The following HDAC4 variants were observed in gnomAD, a reference collection of about 807,000 sequenced individuals.
HDAC4 encodes the protein histone deacetylase 4.
In HDAC4, 16 loss-of-function variants were observed where a neutral mutation model predicts 135.1. That is an observed-to-expected ratio of 0.12 (90% CI 0.08 to 0.18). The LOEUF is 0.18. Among genes scored for constraint, HDAC4 ranks in the 10% least tolerant of loss-of-function variants. The probability of loss-of-function intolerance (pLI) is 1.00; values close to 1 mark genes in which losing one functional copy is unlikely to be tolerated. For missense variants in HDAC4, 1,143 were observed against 1,511.8 expected, an observed-to-expected ratio of 0.76 and a Z score of 4.05; for synonymous variants, 685 against 653.4, an observed-to-expected ratio of 1.05 and a Z score of -0.74.
chr2:239,273,253 AAGG>A (rs755333039), intron 2 of HDAC4, among the ~76,000 whole-genome samples: 1 of 152,180 alleles, frequency 6.6e-6, no homozygotes, highest in Non-Finnish European at 1.5e-5. Flanking sequence ...CTCGTGGATC[AAGG>A]AGGACAAGGT....
At chr2:239,053,206 G>A in intron 26 of HDAC4, 70 bp from the exon 27 acceptor site, 11 of 1,585,148 alleles carry the variant, frequency 6.9e-6, no homozygotes, top group Admixed American at 1.7e-5. Context: ...AGAACAGAAC[G>A]TGGGTTAAAG....
intron 2 of HDAC4, among the ~76,000 whole-genome samples, chr2:239,325,890 C>T (rs910342214): frequency 5.9e-5 from 9 of 151,892 alleles, no homozygotes; most frequent in African/African-American, 1.7e-4. Context: ...ACTTGAACCC[C>T]GGGGGACAGA....
At position 239,052,908 on chromosome 2, in the gene HDAC4, C is replaced by A; in HGVS notation, c.*189G>T. ...TCCCTGTGAGGCTGCCACGCCCAGGCGTGCATGTGCGTCTCGAGACCTGTG... is the reference window on the plus strand; with the variant it reads ...TCCCTGTGAGGCTGCCACGCCCAGGAGTGCATGTGCGTCTCGAGACCTGTG... On this transcript the variant is annotated 3_prime_UTR_variant, in exon 27 of 27. Coordinates refer to ENST00000543185, the MANE Select transcript of HDAC4 (RefSeq NM_001378414.1). 1 of 664,284 alleles carries A rather than the reference C, an allele frequency of 1.5e-6. No homozygotes were observed. 41.1% of individuals were successfully genotyped at this position (664,284 alleles called of 1,614,324 possible).
At chr2:239,389,839 T>C (rs1696078482) in intron 1 of HDAC4, among the ~76,000 whole-genome samples, 2 of 152,310 alleles carry the variant, frequency 1.3e-5, no homozygotes, top group South Asian at 4.1e-4. Context: ...GGAAGAGGCA[T>C]GTCCAGCACC....
At chr2:239,365,410 C>G (rs1031411887) in intron 1 of HDAC4, among the ~76,000 whole-genome samples, 2 of 152,256 alleles carry the variant, frequency 1.3e-5, no homozygotes, top group African/African-American at 4.8e-5. Flanking sequence ...TTATGCTGAA[C>G]AAGGCCAAAA....
chr2:239,103,939 G>C (rs578035174), intron 15 of HDAC4, among the ~76,000 whole-genome samples: 1 of 152,388 alleles, frequency 6.6e-6, no homozygotes, highest in South Asian at 2.1e-4. Flanking sequence ...ACCTCCAGAG[G>C]GCAGGTGCGC....
intron 21 of HDAC4, among the ~76,000 whole-genome samples, chr2:239,081,473 G>A (rs1283880701): frequency 2.0e-5 from 3 of 152,210 alleles, no homozygotes; most frequent in Non-Finnish European, 4.4e-5. Context: ...ACATTTCTGC[G>A]GACCCGCCGC....
chr2:239,111,441 C>A lies in HDAC4; in HGVS notation c.1978+85G>T, dbSNP rs2038660019. Reference sequence around the variant, plus strand: ...CTGCCCAGCCCCTCCTCAGCCTCTGCAGAGCTGGGCCGGGAAGAGCCCCCC... The same window carrying A: ...CTGCCCAGCCCCTCCTCAGCCTCTGAAGAGCTGGGCCGGGAAGAGCCCCCC... On this transcript the variant is annotated intron_variant, in intron 14 of 26. Transcript: ENST00000543185. 22 of 1,374,496 alleles carry A rather than the reference C, an allele frequency of 1.6e-5. 1 individual carries two copies. In the South Asian group the frequency reaches 2.8e-4, roughly 17 times the overall value. The allele number at this position is 1,374,496 out of a possible 1,614,324, so 85.1% of individuals were successfully genotyped here.
intron 13 of HDAC4, 61 bp downstream of exon 13, chr2:239,114,992 C>G: frequency 5.0e-6 from 8 of 1,594,022 alleles, no homozygotes; most frequent in Non-Finnish European, 6.8e-6. Flanking sequence ...GAAGATGCCA[C>G]CTGGGGACCG....
chr2:239,301,732 C>T (rs1461866842), intron 2 of HDAC4, among the ~76,000 whole-genome samples: 1 of 152,150 alleles, frequency 6.6e-6, no homozygotes, highest in Non-Finnish European at 1.5e-5. Flanking sequence ...AATCCTCCTG[C>T]CTCAGCCTCC....
intron 3 of HDAC4, among the ~76,000 whole-genome samples, chr2:239,200,300 G>A (rs1157635111): frequency 1.3e-5 from 2 of 152,188 alleles, no homozygotes; most frequent in African/African-American, 4.8e-5. Flanking sequence ...CATTCCAAAC[G>A]CTGACTTACA....
intron 11 of HDAC4, among the ~76,000 whole-genome samples, chr2:239,130,293 C>T (rs1263939635): frequency 3.9e-5 from 6 of 152,306 alleles, no homozygotes; most frequent in East Asian, 1.9e-4. Flanking sequence ...ACATGAACCA[C>T]GGCCAGCTGT....
chr2:239,232,062 G>A (rs914412847), intron 3 of HDAC4, among the ~76,000 whole-genome samples: 15 of 58,110 alleles, frequency 2.6e-4, no homozygotes, highest in African/African-American at 7.3e-4. Flanking sequence ...CGTCCTCCCC[G>A]AAGCACCCCT....
chr2:239,397,772 AT>A (rs1696664366), intron 1 of HDAC4, among the ~76,000 whole-genome samples: 1 of 152,202 alleles, frequency 6.6e-6, no homozygotes, highest in Non-Finnish European at 1.5e-5. Context: ...AGAAACGCTT[AT>A]GAATGAGTTA....
intron 2 of HDAC4, among the ~76,000 whole-genome samples, chr2:239,300,245 C>T (rs2052172239): frequency 6.6e-6 from 1 of 152,208 alleles, no homozygotes; most frequent in Admixed American, 6.5e-5. Context: ...GAAGCCTCAT[C>T]CATTCAAATC....
rs547971747 is a variant in HDAC4 at position 239,304,406 on chromosome 2, C to T, written c.22+48272G>A. ...GATACCAGGTGGTGGCATGGTGTTA[C>T]TTTCATTATTAATAATTTGAAAAAG... is the stretch of plus-strand genomic sequence containing the variant. On this transcript the variant is annotated intron_variant, in intron 2 of 26. Coordinates refer to ENST00000543185, the MANE Select transcript of HDAC4 (RefSeq NM_001378414.1). Among the ~76,000 whole-genome samples the T allele has an allele frequency of 3.9e-5, 6 of 152,292 alleles. No homozygotes were observed. In the East Asian group the frequency reaches 7.7e-4, roughly 20 times the overall value.
intron 22 of HDAC4, among the ~76,000 whole-genome samples, chr2:239,069,523 C>A (rs1394045482): frequency 8.4e-6 from 1 of 118,884 alleles, no homozygotes; most frequent in Non-Finnish European, 1.8e-5. Flanking sequence ...TGCAAGCCAG[C>A]AAGCCCCACT....
intron 5 of HDAC4, among the ~76,000 whole-genome samples, chr2:239,169,524 G>A (rs1026068865): frequency 6.6e-6 from 1 of 152,370 alleles, no homozygotes; most frequent in African/African-American, 2.4e-5. Context: ...GAGCCCCTAA[G>A]ATACTCAGAT....
At chr2:239,107,287 C>T (rs1345987077) in intron 15 of HDAC4, among the ~76,000 whole-genome samples, 1 of 152,252 alleles carries the variant, frequency 6.6e-6, no homozygotes, top group African/African-American at 2.4e-5. Flanking sequence ...TGGGAGTCCA[C>T]TGCAGCCAGA....
Sources: gnomAD v4.1 joint callset for allele counts (sites outside exome capture counted in the v4.1 genomes callset) on GRCh38, gnomAD v4.1.1 for gene constraint, MANE v1.5 for transcripts, NCBI Gene and HGNC (gene_info 2026-07-23, HGNC 2026-07-21) for gene names.